Variants in MECOM observed in about 807,000 individuals in gnomAD.
MECOM encodes the protein MDS1 and EVI1 complex locus, also known as histone-lysine N-methyltransferase MECOM.
In MECOM, 13 loss-of-function variants were observed where a neutral mutation model predicts 116.3. The observed-to-expected ratio is 0.11, with a 90% CI of 0.07 to 0.18. MECOM has a LOEUF of 0.18. MECOM is among the 10% of genes least tolerant of loss of function. MECOM has a pLI of 1.00. For missense variants in MECOM, 1,299 were observed against 1,509.0 expected (o/e 0.86, Z 2.31); for synonymous variants, 528 against 535.2 (o/e 0.99, Z 0.19).
intron 2 of MECOM, among the ~76,000 whole-genome samples, chr3:169,312,000 A>AG (rs1718861123): frequency 6.6e-6 from 1 of 152,188 alleles, no homozygotes; most frequent in African/African-American, 2.4e-5. Flanking sequence ...AGTAGGTGGT[A>AG]GGAGATGAGG....
At chr3:169,573,201 G>A (rs538616668) in intron 1 of MECOM, among the ~76,000 whole-genome samples, 32 of 152,240 alleles carry the variant, frequency 2.1e-4, no homozygotes, top group African/African-American at 7.7e-4. Context: ...GAGGGAGCCG[G>A]TTTTGTTTTC....
intron 2 of MECOM, among the ~76,000 whole-genome samples, chr3:169,156,869 AACCTTTAAGAATTC>A: frequency 6.6e-6 from 1 of 152,316 alleles, no homozygotes; most frequent in African/African-American, 2.4e-5. Context: ...GCCTGAATTA[AACCTTTAAGAATTC>A]ACCTTTTTTC....
At chr3:169,378,358 G>C (rs1161162914) in intron 2 of MECOM, among the ~76,000 whole-genome samples, 1 of 131,344 alleles carries the variant, frequency 7.6e-6, no homozygotes, top group Non-Finnish European at 1.6e-5. Flanking sequence ...AAGAAGGAAG[G>C]AAGAAGGAAG....
rs188006100 is a variant in MECOM at position 169,356,448 on chromosome 3, C to T, written c.375+24739G>A. ...ACAAAATCAACGTAGTGTAACTTTGCTGACAGCTTGTCACATTTCACTGAC... is the reference window on the plus strand; with the variant it reads ...ACAAAATCAACGTAGTGTAACTTTGTTGACAGCTTGTCACATTTCACTGAC... On this transcript the variant is annotated intron_variant, in intron 2 of 16. Coordinates refer to ENST00000651503, the MANE Select transcript of MECOM (RefSeq NM_004991.4). 1.9e-3 allele frequency among the ~76,000 whole-genome samples: 284 copies of T among 151,968 alleles called. 3 individuals are homozygous for T. Among genetic ancestry groups the T allele is most frequent in the African/African-American group, 6.5e-3 (269 of 41,508 alleles).
intron 1 of MECOM, among the ~76,000 whole-genome samples, chr3:169,475,596 G>T (rs9828245): frequency 0.01 from 1,510 of 150,068 alleles, 19 homozygotes; most frequent in African/African-American, 0.036. Context: ...TTTTTTTTCC[G>T]AATCTAATAG....
intron 1 of MECOM, among the ~76,000 whole-genome samples, chr3:169,461,397 T>C (rs1482529321): frequency 1.3e-5 from 2 of 152,188 alleles, no homozygotes; most frequent in Non-Finnish European, 2.9e-5. Flanking sequence ...CAGAGGAAGC[T>C]GACATCATGG....
intron 1 of MECOM, among the ~76,000 whole-genome samples, chr3:169,528,116 C>T (rs557839460): frequency 8.5e-5 from 13 of 152,292 alleles, no homozygotes; most frequent in African/African-American, 2.4e-4. Context: ...TGAGCCAAAC[C>T]CCTTCAGACA....
At chr3:169,113,588 T>A (rs1361174076) in intron 8 of MECOM, among the ~76,000 whole-genome samples, 1 of 151,930 alleles carries the variant, frequency 6.6e-6, no homozygotes, top group East Asian at 1.9e-4. Context: ...AACTTACCTA[T>A]ATATCCCTTC....
intron 2 of MECOM, chr3:169,145,524 CAAAAAAAAG>C (rs1021505414): frequency 5.5e-5 from 12 of 218,166 alleles, no homozygotes; most frequent in South Asian, 1.9e-4. Context: ...CCTTGACTGG[CAAAAAAAAG>C]AAAAAAAAGA....
chr3:169,203,956 G>T (rs1479658271), intron 2 of MECOM, among the ~76,000 whole-genome samples: 1 of 152,070 alleles, frequency 6.6e-6, no homozygotes, highest in Non-Finnish European at 1.5e-5. Context: ...AAGAAGAATG[G>T]GTTGATCTTG....
intron 2 of MECOM, among the ~76,000 whole-genome samples, chr3:169,249,818 G>A (rs784285): frequency 0.54 from 82,393 of 151,930 alleles, 22,727 homozygotes; most frequent in Middle Eastern, 0.69. Context: ...AGGGGTTACT[G>A]GTAATGAAAC....
intron 1 of MECOM, among the ~76,000 whole-genome samples, chr3:169,422,597 T>C (rs946976004): frequency 8.5e-5 from 13 of 152,220 alleles, no homozygotes; most frequent in Middle Eastern, 3.4e-3. Flanking sequence ...ATTTATGTCA[T>C]TTAATGGAGT....
At chr3:169,645,885 G>A (rs1774116243) in intron 1 of MECOM, among the ~76,000 whole-genome samples, 1 of 152,124 alleles carries the variant, frequency 6.6e-6, no homozygotes, top group Non-Finnish European at 1.5e-5. Flanking sequence ...CACTACCTGA[G>A]TCCCATCCCC....
intron 2 of MECOM, among the ~76,000 whole-genome samples, chr3:169,377,186 A>G (rs1731185167): frequency 6.6e-6 from 1 of 152,194 alleles, no homozygotes; most frequent in South Asian, 2.1e-4. Flanking sequence ...CTCAAGATGG[A>G]TTAAGATTTA....
At chr3:169,621,182 T>C (rs746873998) in intron 1 of MECOM, among the ~76,000 whole-genome samples, 6 of 152,260 alleles carry the variant, frequency 3.9e-5, no homozygotes, top group Non-Finnish European at 7.3e-5. Context: ...TGAATTTTCC[T>C]GTTAATTTGA....
intron 2 of MECOM, among the ~76,000 whole-genome samples, chr3:169,186,396 G>A (rs986033017): frequency 1.8e-5 from 2 of 110,364 alleles, no homozygotes; most frequent in Non-Finnish European, 3.9e-5. Flanking sequence ...GAGGGAGGGA[G>A]GGAGGGAGGG....
intron 2 of MECOM, among the ~76,000 whole-genome samples, chr3:169,346,931 C>CA (rs1400620157): frequency 1.3e-5 from 2 of 151,408 alleles, no homozygotes; most frequent in East Asian, 3.9e-4. Context: ...TTTGCAATAG[C>CA]AAAAAAGAAA....
At chr3:169,576,946 C>T (rs1217602500) in intron 1 of MECOM, among the ~76,000 whole-genome samples, 1 of 152,052 alleles carries the variant, frequency 6.6e-6, no homozygotes, top group East Asian at 1.9e-4. Context: ...AGACATAGCA[C>T]TGGCCGGGCC....
intron 1 of MECOM, among the ~76,000 whole-genome samples, chr3:169,545,036 A>C (rs1276882320): frequency 6.6e-6 from 1 of 152,190 alleles, no homozygotes; most frequent in African/African-American, 2.4e-5. Context: ...TTAAAGTAAA[A>C]TTTAAAAAAA....
Sources: allele counts gnomAD v4.1 joint callset (sites outside exome capture counted in the v4.1 genomes callset), GRCh38; gene constraint gnomAD v4.1.1; transcripts MANE v1.5; gene names NCBI Gene and HGNC (gene_info 2026-07-23, HGNC 2026-07-21).